The following PTPRD variants were observed in gnomAD, a reference collection of about 807,000 sequenced individuals.
PTPRD encodes receptor-type tyrosine-protein phosphatase delta.
A neutral mutation model predicts 214.5 loss-of-function variants in PTPRD; 34 were observed. The observed-to-expected ratio is 0.16, with a 90% CI of 0.12 to 0.21. PTPRD has a LOEUF of 0.21. PTPRD is among the 10% of genes least tolerant of loss of function. The probability of loss-of-function intolerance (pLI) is 1.00; values close to 1 mark genes in which losing one functional copy is unlikely to be tolerated. For synonymous variants in PTPRD, 1,128 were observed against 845.7 expected (o/e 1.33, Z -5.79); for missense variants, 2,545 against 2,398.7 (o/e 1.06, Z -1.27).
chr9:8,934,137 AAGAG>A lies in PTPRD; in HGVS notation c.-104+84556_-104+84559del, dbSNP rs150316996. Reference sequence around the variant, plus strand: ...GCTAATGCTGAACTGATAAGAGAGAAAGAGAGAATTGGTAACAAATAAACACTTG... The same window carrying A: ...GCTAATGCTGAACTGATAAGAGAGAAAGAATTGGTAACAAATAAACACTTG... On this transcript the variant is annotated intron_variant, in intron 11 of 45. Coordinates refer to ENST00000381196, the MANE Select transcript of PTPRD (RefSeq NM_002839.4). 8.1e-4 allele frequency among the ~76,000 whole-genome samples: 123 copies of A among 151,978 alleles called. No individual in the cohort carries two copies. In the East Asian group the frequency reaches 0.022, roughly 27 times the overall value.
At chr9:9,270,807 T>A (rs934719033) in intron 9 of PTPRD, among the ~76,000 whole-genome samples, 1 of 151,160 alleles carries the variant, frequency 6.6e-6, no homozygotes, top group Non-Finnish European at 1.5e-5. Context: ...GCAGAAAAGG[T>A]GGAGAAAAGT....
chr9:9,872,614 A>G (rs1455666789), intron 5 of PTPRD, among the ~76,000 whole-genome samples: 1 of 152,070 alleles, frequency 6.6e-6, no homozygotes, highest in Non-Finnish European at 1.5e-5. Context: ...CACCACCACC[A>G]ATAAAATGGA....
intron 3 of PTPRD, among the ~76,000 whole-genome samples, chr9:10,266,537 C>T (rs996110793): frequency 2.6e-5 from 4 of 151,984 alleles, no homozygotes; most frequent in African/African-American, 4.8e-5. Flanking sequence ...GAAAGAAATC[C>T]GGTTAATGTT....
At chr9:8,689,636 T>C (rs72700359) in intron 12 of PTPRD, among the ~76,000 whole-genome samples, 5,413 of 152,184 alleles carry the variant, frequency 0.036, 185 homozygotes, top group East Asian at 0.097. Context: ...TTATCTCCCA[T>C]TGGGTCCCTC....
At chr9:9,302,599 TTC>T (rs1491295513) in intron 9 of PTPRD, among the ~76,000 whole-genome samples, 20 of 68,676 alleles carry the variant, frequency 2.9e-4, no homozygotes, top group African/African-American at 9.6e-4. Flanking sequence ...AGTTTTTTTT[TTC>T]TTTTTTTTTT....
intron 7 of PTPRD, among the ~76,000 whole-genome samples, chr9:9,603,251 T>C (rs1241980400): frequency 6.6e-6 from 1 of 152,148 alleles, no homozygotes; most frequent in Non-Finnish European, 1.5e-5. Flanking sequence ...TAGACAGGAA[T>C]GGGGCAATAG....
At chr9:9,981,737 T>C (rs1472400028) in intron 4 of PTPRD, among the ~76,000 whole-genome samples, 1 of 152,070 alleles carries the variant, frequency 6.6e-6, no homozygotes, top group Non-Finnish European at 1.5e-5. Flanking sequence ...GAAGTAATGA[T>C]CAGGAATGTG....
chr9:10,390,985 G>T (rs567099945), intron 2 of PTPRD, among the ~76,000 whole-genome samples: 1 of 151,792 alleles, frequency 6.6e-6, no homozygotes, highest in Non-Finnish European at 1.5e-5. Context: ...GATGAAGTTT[G>T]GTCCCTTGAC....
chr9:9,826,096 T>C (rs1172454699), intron 5 of PTPRD, among the ~76,000 whole-genome samples: 1 of 151,804 alleles, frequency 6.6e-6, no homozygotes, highest in Non-Finnish European at 1.5e-5. Context: ...CTCCTGCTTG[T>C]ATGTTGGTCT....
chr9:8,934,478 A>AAAT (rs2098979944), intron 11 of PTPRD, among the ~76,000 whole-genome samples: 2 of 8,472 alleles, frequency 2.4e-4, no homozygotes, highest in Non-Finnish European at 4.5e-4. Flanking sequence ...TATATATATA[A>AAAT]ATATATATAT....
intron 2 of PTPRD, among the ~76,000 whole-genome samples, chr9:10,545,324 A>G (rs539108357): frequency 3.3e-5 from 5 of 152,132 alleles, no homozygotes; most frequent in Non-Finnish European, 5.9e-5. Flanking sequence ...ATGAAGATGA[A>G]AATTGTGTGG....
At chr9:9,136,887 C>A (rs1384817052) in intron 10 of PTPRD, among the ~76,000 whole-genome samples, 1 of 152,092 alleles carries the variant, frequency 6.6e-6, no homozygotes, top group Non-Finnish European at 1.5e-5. Context: ...GGTGAAATGC[C>A]TATTTGGGAT....
At chr9:9,111,162 T>C (rs1423933458) in intron 10 of PTPRD, among the ~76,000 whole-genome samples, 1 of 144,762 alleles carries the variant, frequency 6.9e-6, no homozygotes, top group Non-Finnish European at 1.5e-5. Context: ...CCAGGGAAAG[T>C]GAGGTGAAGC....
chr9:10,364,813 C>T (rs1239080007), intron 2 of PTPRD, among the ~76,000 whole-genome samples: 2 of 152,080 alleles, frequency 1.3e-5, no homozygotes, highest in Admixed American at 6.5e-5. Context: ...TCTCTATTAC[C>T]ATACGATATC....
chr9:9,368,295 T>G (rs2058442623), intron 9 of PTPRD, among the ~76,000 whole-genome samples: 1 of 145,660 alleles, frequency 6.9e-6, no homozygotes, highest in African/African-American at 2.6e-5. Flanking sequence ...CACAGGATTT[T>G]ATGAGGTTTA....
At chr9:9,367,987 G>A (rs1012204398) in intron 9 of PTPRD, among the ~76,000 whole-genome samples, 3 of 151,754 alleles carry the variant, frequency 2.0e-5, no homozygotes, top group Non-Finnish European at 2.9e-5. Context: ...ATATGTTGAC[G>A]TAAGGACAGC....
At chr9:9,541,661 C>G (rs1259448801) in intron 8 of PTPRD, among the ~76,000 whole-genome samples, 1 of 151,808 alleles carries the variant, frequency 6.6e-6, no homozygotes, top group Non-Finnish European at 1.5e-5. Flanking sequence ...ATGAATCCAG[C>G]CACAAACATT....
chr9:9,673,745 C>T (rs1279758344), intron 7 of PTPRD, among the ~76,000 whole-genome samples: 1 of 150,236 alleles, frequency 6.7e-6, no homozygotes, highest in Non-Finnish European at 1.5e-5. Flanking sequence ...CCTGGATACA[C>T]TGTAATAAAA....
intron 4 of PTPRD, among the ~76,000 whole-genome samples, chr9:9,957,905 G>C (rs889424140): frequency 1.3e-5 from 2 of 151,880 alleles, no homozygotes; most frequent in African/African-American, 4.8e-5. Context: ...AATTAGAAGA[G>C]CCCAGAATCA....
Sources: gnomAD v4.1 joint callset for allele counts (sites outside exome capture counted in the v4.1 genomes callset) on GRCh38, gnomAD v4.1.1 for gene constraint, MANE v1.5 for transcripts, NCBI Gene and HGNC (gene_info 2026-07-23, HGNC 2026-07-21) for gene names.